Variants in LSM4 observed in about 807,000 individuals in gnomAD.
LSM4 encodes U6 snRNA-associated Sm-like protein LSm4.
Under a neutral mutation model 22.3 loss-of-function variants are expected in LSM4, and 15 were observed. The ratio of observed to expected loss-of-function variants is 0.67; its 90% CI spans 0.45 to 1.03. The LOEUF is 1.03. Ranked by LOEUF, LSM4 falls within the 50% of genes least tolerant of loss-of-function variation. The probability of loss-of-function intolerance (pLI) is 0.00; values close to 1 mark genes in which losing one functional copy is unlikely to be tolerated. For synonymous variants in LSM4, 90 were observed against 79.8 expected, an observed-to-expected ratio of 1.13 and a Z score of -0.68; for missense variants, 127 against 198.0, an observed-to-expected ratio of 0.64 and a Z score of 2.15.
rs1195038110 is a variant in LSM4, at chr19:18,309,872, G to C, written c.145-11C>G. The C allele has an allele frequency of 1.9e-6, 3 of 1,611,948 alleles. No homozygotes were observed. Among genetic ancestry groups the C allele is most frequent in the African/African-American group, 2.7e-5 (2 of 74,848 alleles). On this transcript the variant is annotated splice_polypyrimidine_tract_variant and intron_variant, in intron 3 of 4. Transcript: ENST00000593829. ...GAACTTGTCCCCGTCCTGCGGAGAA[G>C]GGGAGCAGGTTATTAACTTACCACC...
At chr19:18,312,327 A>G in intron 3 of LSM4, 1 of 395,684 alleles carries the variant, frequency 2.5e-6, no homozygotes, top group Admixed American at 4.1e-5. Flanking sequence ...CCCCAGCCTG[A>G]GCCACAGGGA....
At position 18,323,030 on chromosome 19, in the gene LSM4, G is replaced by T. The variant is rs773117765; in HGVS notation, c.-10C>A. ...GCCCTGCCCTCACCATGGTGCCGGC[G>T]GGGACCGGGCTCGCCGGCCACTTCC... On this transcript the variant is annotated 5_prime_UTR_variant, in exon 1 of 5. Coordinates refer to ENST00000593829, the MANE Select transcript of LSM4 (RefSeq NM_012321.5). The T allele has an allele frequency of 1.3e-6, 2 of 1,556,862 alleles. No individual in the cohort carries two copies. The highest frequency in any genetic ancestry group is 8.6e-7 in the Non-Finnish European group (1 of 1,158,998).
At chr19:18,316,704 G>A (rs1475774362) in intron 1 of LSM4, among the ~76,000 whole-genome samples, 1 of 152,030 alleles carries the variant, frequency 6.6e-6, no homozygotes, top group Admixed American at 6.6e-5. Context: ...ATGTTGATGA[G>A]GTTACTCTGA....
chr19:18,312,781 C>T (rs1282916290), intron 2 of LSM4, 79 bp from the exon 3 acceptor site: 49 of 1,093,660 alleles, frequency 4.5e-5, no homozygotes, highest in Non-Finnish European at 6.4e-5. Context: ...GTAGCTCTGC[C>T]CTGAGATGGA....
chr19:18,310,272 G>C (rs1264829632), intron 3 of LSM4: 1 of 214,472 alleles, frequency 4.7e-6, no homozygotes, highest in African/African-American at 2.3e-5. Context: ...CACAGCCGAA[G>C]CCCAGCTACT....
chr19:18,307,585 G>C (rs553268432), intron 4 of LSM4, 30 bp from the exon 5 acceptor site: 3 of 1,448,170 alleles, frequency 2.1e-6, no homozygotes, highest in African/African-American at 1.5e-5. Context: ...CGCTGCAGCA[G>C]AGCCAGGTGG....
At chr19:18,315,936 A>T in intron 2 of LSM4, 88 bp downstream of exon 2, 1 of 1,219,978 alleles carries the variant, frequency 8.2e-7, no homozygotes, top group East Asian at 2.4e-5. Context: ...GTGGACAGGC[A>T]GGCCAGGAAG....
At position 18,316,719 on chromosome 19, in the gene LSM4, G is replaced by A. The variant is rs1269990844; in HGVS notation, c.4-654C>T. On this transcript the variant is annotated intron_variant, in intron 1 of 4. Transcript: ENST00000593829. ...ATGTTGATGAGGTTACTCTGAGTATGGAGTTGAGGACACTACAGCTTGGAA... is the reference window on the plus strand; with the variant it reads ...ATGTTGATGAGGTTACTCTGAGTATAGAGTTGAGGACACTACAGCTTGGAA... 2.6e-5 allele frequency among the ~76,000 whole-genome samples: 4 copies of A among 152,156 alleles called. No individual in the cohort carries two copies. The South Asian group carries it at 6.2e-4, about 24-fold the overall frequency.
intron 1 of LSM4, among the ~76,000 whole-genome samples, chr19:18,320,882 A>G (rs1234713482): frequency 6.6e-5 from 10 of 152,206 alleles, no homozygotes; most frequent in Non-Finnish European, 1.3e-4. Flanking sequence ...GAAGGTCACA[A>G]GAAAATTCAG....
At chr19:18,317,667 C>T (rs1173690289) in intron 1 of LSM4, among the ~76,000 whole-genome samples, 1 of 151,940 alleles carries the variant, frequency 6.6e-6, no homozygotes, top group Non-Finnish European at 1.5e-5. Context: ...TTTTCAAAGA[C>T]AGGAAGTCAC....
intron 1 of LSM4, among the ~76,000 whole-genome samples, chr19:18,316,990 C>T (rs1216486410): frequency 2.0e-5 from 3 of 151,976 alleles, no homozygotes; most frequent in South Asian, 4.1e-4. Context: ...CACGGTGGTG[C>T]GCATCTGTAG....
chr19:18,322,960 A>T, intron 1 of LSM4, 58 bp downstream of exon 1: 2 of 1,585,572 alleles, frequency 1.3e-6, no homozygotes, highest in Admixed American at 1.7e-5. Flanking sequence ...GCCCGCAGGG[A>T]TCCCAACGAC....
chr19:18,323,006 C>T lies in LSM4; in HGVS notation c.3+12G>A, dbSNP rs1044400504. 7 of 1,587,184 alleles carry T rather than the reference C, an allele frequency of 4.4e-6. No individual in the cohort carries two copies. Among genetic ancestry groups the T allele is most frequent in the Non-Finnish European group, 6.0e-6 (7 of 1,171,266 alleles). On this transcript the variant is annotated intron_variant, in intron 1 of 4. Coordinates refer to ENST00000593829, the MANE Select transcript of LSM4 (RefSeq NM_012321.5). ...GCCTCCCGGTGAGACCCCGCAGTTGCCCTGCCCTCACCATGGTGCCGGCGG... is the reference window on the plus strand; with the variant it reads ...GCCTCCCGGTGAGACCCCGCAGTTGTCCTGCCCTCACCATGGTGCCGGCGG...
intron 1 of LSM4, among the ~76,000 whole-genome samples, chr19:18,318,650 T>C (rs999634829): frequency 6.6e-6 from 1 of 152,228 alleles, no homozygotes. Flanking sequence ...GACCTCCTCC[T>C]GGATCACCAG....
At chr19:18,322,095 A>G (rs899990595) in intron 1 of LSM4, among the ~76,000 whole-genome samples, 3 of 152,192 alleles carry the variant, frequency 2.0e-5, no homozygotes, top group Non-Finnish European at 4.4e-5. Context: ...TTGGGTGGTT[A>G]CACACTGACC....
rs753540459 is a variant in LSM4, at chr19:18,309,690, C to T, written c.316G>A (p.Gly106Ser). ...AGGGGAGACCCACCTCGGCCAGCGC[C>T]GCCCATGCCGCGGCCTTTCTGCTGC... ...QKQQKGRGMG[G>S]AGRGVFGGRG... The change falls in exon 4 of 5, where the codon GGC becomes AGC. Residue 106 changes from glycine to serine, a missense_variant. Physicochemically the swap from Gly to Ser is moderately conservative, Grantham distance 56. Coordinates refer to ENST00000593829, the MANE Select transcript of LSM4 (RefSeq NM_012321.5). 2.9e-5 allele frequency: 46 copies of T among 1,605,418 alleles called. 1 individual carries two copies. The highest frequency in any genetic ancestry group is 3.7e-5 in the Non-Finnish European group (43 of 1,177,100).
chr19:18,321,900 T>G (rs551708049), intron 1 of LSM4, among the ~76,000 whole-genome samples: 15 of 152,134 alleles, frequency 9.9e-5, no homozygotes, highest in African/African-American at 3.4e-4. Flanking sequence ...ACTCCCCACT[T>G]CCTGAGCCCC....
At chr19:18,317,273 G>T (rs1970366822) in intron 1 of LSM4, among the ~76,000 whole-genome samples, 1 of 151,444 alleles carries the variant, frequency 6.6e-6, no homozygotes, top group South Asian at 2.1e-4. Context: ...CTGCTTGCCT[G>T]GTCCTCCCAA....
chr19:18,321,287 C>A (rs752405731), intron 1 of LSM4, among the ~76,000 whole-genome samples: 4 of 152,206 alleles, frequency 2.6e-5, no homozygotes, highest in African/African-American at 4.8e-5. Flanking sequence ...CCAGCTCTGC[C>A]CAGTCTTACA....
Sources: allele counts gnomAD v4.1 joint callset (sites outside exome capture counted in the v4.1 genomes callset), GRCh38; gene constraint gnomAD v4.1.1; transcripts MANE v1.5; gene names NCBI Gene and HGNC (gene_info 2026-07-23, HGNC 2026-07-21).